KCNMA1: variants seen among roughly 807,000 people sequenced by gnomAD.
KCNMA1 encodes the protein potassium calcium-activated channel subfamily M alpha 1.
In KCNMA1, 29 loss-of-function variants were observed where a neutral mutation model predicts 140.0. The ratio of observed to expected loss-of-function variants is 0.21; its 90% confidence interval spans 0.15 to 0.28. The LOEUF is 0.28. Ranked by LOEUF, KCNMA1 falls within the 10% of genes least tolerant of loss-of-function variation. The probability of loss-of-function intolerance (pLI) is 1.00; values close to 1 mark genes in which losing one functional copy is unlikely to be tolerated. For missense variants in KCNMA1, 880 were observed against 1,602.2 expected, an observed-to-expected ratio of 0.55 and a Z score of 7.70; for synonymous variants, 612 against 611.9, an observed-to-expected ratio of 1.00 and a Z score of 0.00.
intron 23 of KCNMA1, among the ~76,000 whole-genome samples, chr10:76,921,153 T>C (rs1259906909): frequency 6.6e-6 from 1 of 152,176 alleles, no homozygotes; most frequent in Non-Finnish European, 1.5e-5. Context: ...TGGGCCAAAT[T>C]ATCTTTTATT....
At chr10:77,110,366 G>GA (rs1220929173) in intron 7 of KCNMA1, 23 bp from the exon 8 acceptor site, 2 of 1,600,864 alleles carry the variant, frequency 1.2e-6, no homozygotes, top group East Asian at 2.2e-5. Flanking sequence ...GGACAGGGGA[G>GA]AAAAAAGAAA....
chr10:77,487,276 G>C (rs1463488887), intron 1 of KCNMA1, among the ~76,000 whole-genome samples: 1 of 152,000 alleles, frequency 6.6e-6, no homozygotes, highest in Non-Finnish European at 1.5e-5. Context: ...TGGTTGCCTG[G>C]TATGTCAACT....
intron 2 of KCNMA1, among the ~76,000 whole-genome samples, chr10:77,324,284 G>A (rs2154358136): frequency 6.6e-6 from 1 of 152,252 alleles, no homozygotes; most frequent in Non-Finnish European, 1.5e-5. Context: ...ATTCCCAGCT[G>A]AAAACATTCT....
At chr10:77,005,225 T>C (rs1436049901) in intron 18 of KCNMA1, among the ~76,000 whole-genome samples, 1 of 152,192 alleles carries the variant, frequency 6.6e-6, no homozygotes, top group Non-Finnish European at 1.5e-5. Context: ...TCTCTGAGAA[T>C]TGAAATATAT....
chr10:77,207,254 A>C (rs2044448578), intron 3 of KCNMA1, among the ~76,000 whole-genome samples: 1 of 152,192 alleles, frequency 6.6e-6, no homozygotes, highest in Non-Finnish European at 1.5e-5. Flanking sequence ...TCCACACTTA[A>C]AGTATCTTTA....
At chr10:77,504,290 T>C (rs564110268) in intron 1 of KCNMA1, among the ~76,000 whole-genome samples, 2 of 152,296 alleles carry the variant, frequency 1.3e-5, no homozygotes, top group South Asian at 4.1e-4. Flanking sequence ...CCAGATATGG[T>C]GTCTGTGCAG....
intron 2 of KCNMA1, among the ~76,000 whole-genome samples, chr10:77,375,479 G>A (rs1321660209): frequency 1.3e-5 from 2 of 152,204 alleles, no homozygotes; most frequent in Non-Finnish European, 2.9e-5. Flanking sequence ...ATGACCTGGT[G>A]CCTGCCTGGG....
At chr10:77,098,069 G>A (rs971746436) in intron 9 of KCNMA1, among the ~76,000 whole-genome samples, 7 of 152,202 alleles carry the variant, frequency 4.6e-5, no homozygotes, top group African/African-American at 1.7e-4. Context: ...AGCTACCCTA[G>A]AGGGATCTGT....
intron 1 of KCNMA1, among the ~76,000 whole-genome samples, chr10:77,554,623 GAAAGAAAAGA>G (rs1346383271): frequency 2.9e-5 from 4 of 136,496 alleles, no homozygotes; most frequent in South Asian, 2.3e-4. Flanking sequence ...AAAAAAGAAA[GAAAGAAAAGA>G]AAAGAAAGAA....
chr10:77,408,075 G>A (rs912631324), intron 1 of KCNMA1, among the ~76,000 whole-genome samples: 8 of 152,118 alleles, frequency 5.3e-5, no homozygotes, highest in African/African-American at 9.7e-5. Context: ...GCACAGGGTG[G>A]ACCCCAGACC....
chr10:77,030,062 G>A (rs2093809919), intron 15 of KCNMA1, among the ~76,000 whole-genome samples: 1 of 152,206 alleles, frequency 6.6e-6, no homozygotes, highest in Non-Finnish European at 1.5e-5. Flanking sequence ...TCTCCAGGGA[G>A]TGAAACCAAT....
chr10:77,281,229 C>A (rs1402856647), intron 2 of KCNMA1, among the ~76,000 whole-genome samples: 1 of 152,182 alleles, frequency 6.6e-6, no homozygotes, highest in Non-Finnish European at 1.5e-5. Flanking sequence ...GTGCCACAGA[C>A]AACAGCATGC....
chr10:77,396,492 A>G (rs2096061251), intron 2 of KCNMA1, among the ~76,000 whole-genome samples: 1 of 152,130 alleles, frequency 6.6e-6, no homozygotes, highest in South Asian at 2.1e-4. Flanking sequence ...GCCCATGTGT[A>G]CTCCCACTGG....
Position 77,600,276 on chromosome 10 carries a change from T to A in KCNMA1, c.378+36989A>T, listed in dbSNP as rs986007187. Among the ~76,000 whole-genome samples the A allele has an allele frequency of 2.0e-5, 3 of 152,156 alleles. No homozygotes were observed. The East Asian group carries it at 5.8e-4, about 29-fold the overall frequency. ...AAAGATGAAGAGTGACCCAGAGTCA[T>A]CTGTAAAATGAAGGTAATCAGACCT... On this transcript the variant is annotated intron_variant, in intron 1 of 27. Coordinates refer to ENST00000286628, the MANE Select transcript of KCNMA1 (RefSeq NM_001161352.2).
chr10:77,183,367 C>T (rs1013732487), intron 5 of KCNMA1, 54 bp downstream of exon 5: 74 of 1,215,786 alleles, frequency 6.1e-5, no homozygotes, highest in Non-Finnish European at 8.1e-5. Flanking sequence ...CAAATTCTGT[C>T]CTTCAGCCAT....
intron 3 of KCNMA1, among the ~76,000 whole-genome samples, chr10:77,196,534 A>T (rs953753715): frequency 3.3e-5 from 5 of 152,198 alleles, no homozygotes; most frequent in Non-Finnish European, 5.9e-5. Flanking sequence ...CATGTTATGA[A>T]ATTCTAAGCA....
chr10:77,215,360 A>G (rs114799690), intron 3 of KCNMA1, among the ~76,000 whole-genome samples: 3,199 of 136,106 alleles, frequency 0.024, 122 homozygotes, highest in African/African-American at 0.082. Flanking sequence ...ATGATTACAG[A>G]TTGCACCTGT....
intron 2 of KCNMA1, chr10:77,354,505 G>A (rs2093284094): frequency 1.3e-5 from 2 of 152,208 alleles, no homozygotes; most frequent in Non-Finnish European, 2.9e-5. Flanking sequence ...CTGTTTTGGA[G>A]GTTGGGAAGA....
intron 1 of KCNMA1, among the ~76,000 whole-genome samples, chr10:77,545,163 G>A (rs538646924): frequency 8.5e-5 from 13 of 152,230 alleles, no homozygotes; most frequent in African/African-American, 3.1e-4. Context: ...GGGTTCCTCC[G>A]GAAAATCTCC....
Sources: gnomAD v4.1 joint callset for allele counts (sites outside exome capture counted in the v4.1 genomes callset) on GRCh38, gnomAD v4.1.1 for gene constraint, MANE v1.5 for transcripts, NCBI Gene and HGNC (gene_info 2026-07-23, HGNC 2026-07-21) for gene names.